Variants in ABCC1 observed in about 807,000 individuals in gnomAD.
The protein encoded by ABCC1 is multidrug resistance-associated protein 1.
In ABCC1, 83 loss-of-function variants were observed where a neutral mutation model predicts 172.9. That is an observed-to-expected ratio of 0.48 (90% CI 0.40 to 0.58). ABCC1 has a LOEUF of 0.58. Ranked by LOEUF, ABCC1 falls within the 20% of genes least tolerant of loss-of-function variation. ABCC1 has a pLI of 0.00. For missense variants in ABCC1, 1,817 were observed against 2,002.7 expected (o/e 0.91, Z 1.77); for synonymous variants, 937 against 825.2 (o/e 1.14, Z -2.32).
At chr16:16,102,932 G>C (rs2051836811) in intron 20 of ABCC1, among the ~76,000 whole-genome samples, 1 of 152,180 alleles carries the variant, frequency 6.6e-6, no homozygotes, top group African/African-American at 2.4e-5. Context: ...ACTCACACAG[G>C]CCTCATGATT....
chr16:16,062,839 GTT>G (rs529276182), intron 12 of ABCC1, among the ~76,000 whole-genome samples: 1,528 of 152,298 alleles, frequency 0.01, 15 homozygotes, highest in Non-Finnish European at 0.016. Flanking sequence ...TGATGGGACT[GTT>G]TTTCTGGAAT....
At chr16:16,118,169 G>A (rs2044982936) in intron 23 of ABCC1, among the ~76,000 whole-genome samples, 1 of 152,192 alleles carries the variant, frequency 6.6e-6, no homozygotes, top group South Asian at 2.1e-4. Context: ...ACAATTGCCA[G>A]TAGGGATGGG....
At chr16:16,138,256 T>G in intron 29 of ABCC1, 108 bp from the exon 30 acceptor site, 1 of 1,034,298 alleles carries the variant, frequency 9.7e-7, no homozygotes, top group South Asian at 1.7e-5. Flanking sequence ...GCTTTCCTGG[T>G]CAAGCAACAT....
intron 1 of ABCC1, among the ~76,000 whole-genome samples, chr16:15,970,847 G>A (rs2046353562): frequency 2.0e-5 from 3 of 152,038 alleles, no homozygotes; most frequent in African/African-American, 4.8e-5. Context: ...TTCTTGCCTC[G>A]GCCTCCGAAA....
At chr16:16,009,727 G>A in intron 2 of ABCC1, 49 bp from the exon 3 acceptor site, 1 of 1,518,594 alleles carries the variant, frequency 6.6e-7, no homozygotes, top group East Asian at 2.5e-5. Flanking sequence ...GGCCCTGGGG[G>A]AGGTTCCAGG....
chr16:16,023,373 T>A (rs1021652667), intron 5 of ABCC1, among the ~76,000 whole-genome samples: 9 of 152,220 alleles, frequency 5.9e-5, no homozygotes, highest in Non-Finnish European at 1.3e-4. Flanking sequence ...TAGCATTTGA[T>A]GAATCTTGGT....
At chr16:16,070,945 C>A (rs1416180501) in intron 13 of ABCC1, among the ~76,000 whole-genome samples, 2 of 152,168 alleles carry the variant, frequency 1.3e-5, no homozygotes, top group Non-Finnish European at 2.9e-5. Context: ...TAATACTCAG[C>A]CCATATCCAA....
Position 16,044,552 on chromosome 16 carries a change from C to A in ABCC1, c.912C>A (p.Ser304=). 6.2e-7 allele frequency: 1 copy of A among 1,614,126 alleles called. No homozygotes were observed. Among genetic ancestry groups the A allele is most frequent in the Non-Finnish European group, 8.5e-7 (1 of 1,180,002 alleles). Residue 304 remains serine, a synonymous_variant, in exon 8 of 31, where the codon TCC becomes TCA. Coordinates refer to ENST00000399410, the MANE Select transcript of ABCC1 (RefSeq NM_004996.4). ...NEEVEALIVK[S]PQKEWNPSLF... ...AGGTGGAGGCTTTGATCGTCAAGTC[C>A]CCACAGAAGGAGTGGAACCCCTCTC...
intron 19 of ABCC1, chr16:16,098,919 T>G (rs1200220195): frequency 7.4e-7 from 1 of 1,351,742 alleles, no homozygotes; most frequent in Admixed American, 1.9e-5. Flanking sequence ...ACTGCCCGGG[T>G]TGGAGTTGGC....
intron 15 of ABCC1, 101 bp downstream of exon 15, chr16:16,076,502 G>C: frequency 8.6e-7 from 1 of 1,160,566 alleles, no homozygotes; most frequent in Non-Finnish European, 1.2e-6. Context: ...CTGTGACCTT[G>C]AACAACTCAC....
rs1686553338 is a variant in ABCC1 at position 16,131,934 on chromosome 16, AGGTG to A, written c.3966+3_3966+6del. 4 of 1,613,420 alleles carry A rather than the reference AGGTG, an allele frequency of 2.5e-6. No individual in the cohort carries two copies. Among genetic ancestry groups the A allele is most frequent in the Non-Finnish European group, 3.4e-6 (4 of 1,179,748 alleles). On this transcript the variant is annotated splice_donor_variant and splice_donor_region_variant and coding_sequence_variant and intron_variant, in exon 27 of 31. Transcript: ENST00000399410. LOFTEE classifies it high-confidence loss of function. ...AATGTCACGATCAATGGGGGAGAAA[AGGTG>A]GGTACACATCGCCCCATTCCCTCAC...
chr16:16,079,660 G>C (rs7204081), intron 16 of ABCC1, among the ~76,000 whole-genome samples, 182 bp downstream of exon 16: 1 of 151,838 alleles, frequency 6.6e-6, no homozygotes, highest in Non-Finnish European at 1.5e-5. Flanking sequence ...GTTCTGTTCC[G>C]TGCTGTCCTA....
Position 15,976,521 on chromosome 16 carries a change from G to A in ABCC1, c.48+26722G>A, listed in dbSNP as rs139514065. Among the ~76,000 whole-genome samples the A allele has an allele frequency of 6.6e-5, 10 of 152,220 alleles. No homozygotes were observed. The East Asian group carries it at 1.9e-3, about 29-fold the overall frequency. ...GGCAGTCTGTCTCCAGGGCCTGGCC[G>A]GTACCCCATGCTCCATCTTGCCCCA... On this transcript the variant is annotated intron_variant, in intron 1 of 30. Coordinates refer to ENST00000399410, the MANE Select transcript of ABCC1 (RefSeq NM_004996.4).
At position 16,057,914 on chromosome 16, in the gene ABCC1, TC is replaced by T. The variant is rs372714942; in HGVS notation, c.1677+1621del. On this transcript the variant is annotated intron_variant, in intron 12 of 30. Coordinates refer to ENST00000399410, the MANE Select transcript of ABCC1 (RefSeq NM_004996.4). ...CTTTAGTTTCCTAAGTAGCTGGGAC[TC>T]CAGGTGCACTGCTACCACTCCCAGC... Among the ~76,000 whole-genome samples the T allele has an allele frequency of 3.6e-4, 55 of 152,280 alleles. 1 individual carries two copies. Among genetic ancestry groups the T allele is most frequent in the Admixed American group, 1.2e-3 (18 of 15,264 alleles).
intron 7 of ABCC1, among the ~76,000 whole-genome samples, chr16:16,037,942 A>C (rs984594091): frequency 1.3e-5 from 2 of 152,162 alleles, no homozygotes; most frequent in Non-Finnish European, 2.9e-5. Context: ...GTGACTGAGC[A>C]TTGTAAGGAA....
intron 12 of ABCC1, among the ~76,000 whole-genome samples, chr16:16,066,146 A>G (rs538306176): frequency 2.6e-5 from 4 of 151,638 alleles, no homozygotes; most frequent in Admixed American, 2.0e-4. Context: ...TGGACTTTTC[A>G]TATAAATGGA....
intron 1 of ABCC1, among the ~76,000 whole-genome samples, chr16:15,988,733 T>C (rs1471704473): frequency 1.3e-5 from 2 of 152,154 alleles, no homozygotes; most frequent in Non-Finnish European, 2.9e-5. Flanking sequence ...ATGGGCAGCC[T>C]GACCTCTGCT....
At chr16:15,968,670 C>G (rs1490633890) in intron 1 of ABCC1, among the ~76,000 whole-genome samples, 1 of 152,112 alleles carries the variant, frequency 6.6e-6, no homozygotes, top group East Asian at 1.9e-4. Flanking sequence ...AGCCACCGTG[C>G]CCAGCCATAA....
chr16:16,106,596 A>T, intron 20 of ABCC1, 142 bp from the exon 21 acceptor site: 1 of 909,806 alleles, frequency 1.1e-6, no homozygotes. Flanking sequence ...ATATATTCAT[A>T]TATATGTTTA....
Sources: gnomAD v4.1 joint callset for allele counts (sites outside exome capture counted in the v4.1 genomes callset) on GRCh38, gnomAD v4.1.1 for gene constraint, MANE v1.5 for transcripts, NCBI Gene and HGNC (gene_info 2026-07-23, HGNC 2026-07-21) for gene names.